The following PARP14 variants were observed in gnomAD, a reference collection of about 807,000 sequenced individuals.
The protein encoded by PARP14 is poly(ADP-ribose) polymerase family member 14, also known as protein mono-ADP-ribosyltransferase PARP14.
In PARP14, 59 loss-of-function variants were observed where a neutral mutation model predicts 154.2. The observed-to-expected ratio is 0.38, with a 90% CI of 0.31 to 0.48. The LOEUF is 0.48. Ranked by LOEUF, PARP14 falls within the 20% of genes least tolerant of loss-of-function variation. PARP14 has a pLI of 0.98. For missense variants in PARP14, 1,734 were observed against 2,131.6 expected (o/e 0.81, Z 3.67); for synonymous variants, 720 against 780.5 (o/e 0.92, Z 1.29).
At chr3:122,687,016 A>G in intron 2 of PARP14, 64 bp from the exon 3 acceptor site, 3 of 1,163,100 alleles carry the variant, frequency 2.6e-6, no homozygotes, top group Non-Finnish European at 3.8e-6. Flanking sequence ...GGTCCCAGGG[A>G]CATTTTCTTA....
chr3:122,699,833 G>A lies in PARP14; in HGVS notation c.1279G>A (p.Asp427Asn). The A allele has an allele frequency of 3.7e-6, 6 of 1,613,956 alleles. No individual in the cohort carries two copies. Among genetic ancestry groups the A allele is most frequent in the Non-Finnish European group, 5.1e-6 (6 of 1,179,836 alleles). ...VKDDRILIEF[D>N]TLKEMVILAG... is the part of the protein sequence containing the mutation. ...AGATGACAGGATTTTGATTGAGTTTGATACACTTAAGGAGATGGTAATCTT... is the reference window on the plus strand; with the variant it reads ...AGATGACAGGATTTTGATTGAGTTTAATACACTTAAGGAGATGGTAATCTT... Residue 427 changes from aspartate to asparagine, a missense_variant, in exon 6 of 17, where the codon GAT (aspartate) becomes AAT (asparagine). Around this residue, in one of 2 missense-constraint regions of PARP14, gnomAD observed 1,646 missense variants for 1,976.0 expected, o/e 0.83. Coordinates refer to ENST00000474629, the MANE Select transcript of PARP14 (RefSeq NM_017554.3).
chr3:122,702,993 T>TAA (rs10707029), intron 6 of PARP14, among the ~76,000 whole-genome samples: 7 of 83,938 alleles, frequency 8.3e-5, no homozygotes, highest in Non-Finnish European at 1.2e-4. Flanking sequence ...CCCTCTCTCT[T>TAA]AAAAAAAAAA....
intron 3 of PARP14, among the ~76,000 whole-genome samples, chr3:122,691,411 G>C (rs1010191859): frequency 6.6e-6 from 1 of 152,200 alleles, no homozygotes; most frequent in East Asian, 1.9e-4. Flanking sequence ...ACAGTGGAGA[G>C]GAATGAGTCA....
At chr3:122,720,911 A>G (rs1224272158) in intron 15 of PARP14, 1 of 455,310 alleles carries the variant, frequency 2.2e-6, no homozygotes. Context: ...GTTTGACGCC[A>G]GTCTGGGTAA....
At chr3:122,702,101 C>G (rs747171233) in intron 6 of PARP14, among the ~76,000 whole-genome samples, 1 of 152,166 alleles carries the variant, frequency 6.6e-6, no homozygotes, top group South Asian at 2.1e-4. Flanking sequence ...CGCCCAACAC[C>G]AGTGAGGAAG....
intron 1 of PARP14, among the ~76,000 whole-genome samples, chr3:122,682,098 G>A (rs751014776): frequency 9.2e-5 from 14 of 152,146 alleles, no homozygotes; most frequent in Non-Finnish European, 1.8e-4. Flanking sequence ...AGGAAGGAAG[G>A]AGGGGGACAG....
chr3:122,723,985 G>A (rs1437134551), intron 15 of PARP14, among the ~76,000 whole-genome samples: 1 of 152,108 alleles, frequency 6.6e-6, no homozygotes, highest in Non-Finnish European at 1.5e-5. Context: ...TAATTACAGT[G>A]ATTATTCTGT....
intron 6 of PARP14, among the ~76,000 whole-genome samples, chr3:122,702,787 G>A (rs1560065305): frequency 1.3e-5 from 2 of 151,704 alleles, no homozygotes; most frequent in Admixed American, 6.6e-5. Context: ...ATCAGTTATG[G>A]GAATGAATTT....
chr3:122,684,555 T>C (rs1938309493), intron 1 of PARP14, among the ~76,000 whole-genome samples: 1 of 152,224 alleles, frequency 6.6e-6, no homozygotes, highest in Non-Finnish European at 1.5e-5. Flanking sequence ...ATGTCCACTG[T>C]TCAGTTGTTT....
chr3:122,701,449 G>A lies in PARP14; in HGVS notation c.2895G>A (p.Lys965=), dbSNP rs751693013. 9 of 1,614,010 alleles carry A rather than the reference G, an allele frequency of 5.6e-6. No individual in the cohort carries two copies. Among genetic ancestry groups the A allele is most frequent in the Non-Finnish European group, 6.8e-6 (8 of 1,179,878 alleles). ...KEIYLVDVSE[K]TVEAFAEAVK... ...TCTACCTTGTGGATGTATCTGAGAAGACTGTTGAGGCCTTTGCAGAAGCTG... is the reference window on the plus strand; with the variant it reads ...TCTACCTTGTGGATGTATCTGAGAAAACTGTTGAGGCCTTTGCAGAAGCTG... Residue 965 remains lysine (K), a synonymous_variant, in exon 6 of 17, where the codon AAG becomes AAA. Coordinates refer to ENST00000474629, the MANE Select transcript of PARP14 (RefSeq NM_017554.3). This position sits in a 1 kb window ranked among gnomAD's most constrained non-coding sequence, Gnocchi z 4.0.
At position 122,685,319 on chromosome 3, in the gene PARP14, G is replaced by A. The variant is rs201755391; in HGVS notation, c.321+1G>A. 5.2e-4 allele frequency: 843 copies of A among 1,613,284 alleles called. 2 individuals are homozygous for A. The highest frequency in any genetic ancestry group is 4.2e-4 in the Non-Finnish European group (500 of 1,179,724). ...CTTTGAAGAGGAACTTCTAACAAAA[G>A]CAAGTAAACTTTAGGCATGAATAAA... On this transcript the variant is annotated splice_donor_variant, in intron 2 of 16. Transcript: ENST00000474629. LOFTEE classifies it high-confidence loss of function.
Position 122,728,617 on chromosome 3 carries a change from C to T in PARP14, c.*20C>T, listed in dbSNP as rs1325315814. 1.3e-6 allele frequency: 2 copies of T among 1,579,996 alleles called. No homozygotes were observed. The highest frequency in any genetic ancestry group is 2.7e-5 in the African/African-American group (2 of 74,028). Reference sequence around the variant, plus strand: ...AAATAACACTTTGGTATCCTTCCCACAAAATTATTCTCCATTTGTACATAT... The same window carrying T: ...AAATAACACTTTGGTATCCTTCCCATAAAATTATTCTCCATTTGTACATAT... On this transcript the variant is annotated 3_prime_UTR_variant, in exon 17 of 17. Transcript: ENST00000474629.
intron 2 of PARP14, 40 bp downstream of exon 2, chr3:122,685,358 T>C: frequency 1.3e-6 from 2 of 1,588,092 alleles, no homozygotes; most frequent in Admixed American, 3.4e-5. Context: ...GATTTAGGTC[T>C]CCCAAGGTGT....
chr3:122,708,349 A>C, intron 9 of PARP14, 81 bp downstream of exon 9: 4 of 718,984 alleles, frequency 5.6e-6, no homozygotes, highest in Non-Finnish European at 7.1e-6. Flanking sequence ...CAGTAGTGAT[A>C]ATTTTTATGA....
intron 15 of PARP14, among the ~76,000 whole-genome samples, chr3:122,725,383 C>T (rs968351120): frequency 6.8e-5 from 10 of 147,046 alleles, no homozygotes; most frequent in South Asian, 2.2e-4. Flanking sequence ...GGGCAGCGGC[C>T]GGGCAAAGGT....
At chr3:122,714,468 A>C in intron 12 of PARP14, 39 bp downstream of exon 12, 2 of 1,483,788 alleles carry the variant, frequency 1.3e-6, no homozygotes, top group Non-Finnish European at 1.8e-6. Flanking sequence ...ATCCCAAGCC[A>C]TCTACTTTCC....
chr3:122,692,364 T>C lies in PARP14; in HGVS notation c.419T>C (p.Ile140Thr), dbSNP rs774805287. 1.9e-6 allele frequency: 3 copies of C among 1,613,186 alleles called. No homozygotes were observed. Among genetic ancestry groups the C allele is most frequent in the Non-Finnish European group, 2.5e-6 (3 of 1,179,184 alleles). Residue 140 changes from isoleucine to threonine, a missense_variant, in exon 4 of 17, where the codon ATC becomes ACC. By Grantham distance (89) the Ile-to-Thr change is moderately conservative. Transcript: ENST00000474629. ...GGTGGATTAGACAAAATGGAAGATA[T>C]CCCAGAGGAATGTGAAAATATTTCC... The part of the protein sequence containing the change: ...LDGGLDKMED[I>T]PEECENISSL...
At chr3:122,705,953 C>T (rs569479160) in intron 8 of PARP14, among the ~76,000 whole-genome samples, 3 of 152,266 alleles carry the variant, frequency 2.0e-5, no homozygotes, top group South Asian at 4.1e-4. Context: ...TGATGTGGAT[C>T]GTGGAACAGG....
chr3:122,705,501 CA>C (rs1481256354), intron 8 of PARP14, among the ~76,000 whole-genome samples: 6 of 152,194 alleles, frequency 3.9e-5, no homozygotes, highest in African/African-American at 1.4e-4. Context: ...CCAGAACTAT[CA>C]TCAATCATGA....
Sources: allele counts gnomAD v4.1 joint callset (sites outside exome capture counted in the v4.1 genomes callset), GRCh38; gene constraint gnomAD v4.1.1; regional missense constraint gnomAD v4.1.1; non-coding constraint Gnocchi (gnomAD v3.1); transcripts MANE v1.5; gene names NCBI Gene and HGNC (gene_info 2026-07-23, HGNC 2026-07-21).